CCSER1: variants seen among roughly 807,000 people sequenced by gnomAD.
CCSER1 encodes serine-rich coiled-coil domain-containing protein 1.
Under a neutral mutation model 82.0 loss-of-function variants are expected in CCSER1, and 41 were observed. The ratio of observed to expected loss-of-function variants is 0.50; its 90% CI spans 0.39 to 0.65. CCSER1 has a LOEUF of 0.65. CCSER1 is among the 30% of genes least tolerant of loss of function. The probability of loss-of-function intolerance (pLI) is 0.00; values close to 1 mark genes in which losing one functional copy is unlikely to be tolerated. For missense variants in CCSER1, 1,119 were observed against 1,064.2 expected, an observed-to-expected ratio of 1.05 and a Z score of -0.72; for synonymous variants, 414 against 383.9, an observed-to-expected ratio of 1.08 and a Z score of -0.92.
chr4:90,948,450 TC>T (rs1221232407), intron 9 of CCSER1, among the ~76,000 whole-genome samples: 1 of 151,876 alleles, frequency 6.6e-6, no homozygotes, highest in African/African-American at 2.4e-5. Context: ...TCAATTTTTT[TC>T]GTTTATTCTT....
At chr4:90,648,301 G>GA (rs1284284391) in intron 6 of CCSER1, among the ~76,000 whole-genome samples, 2 of 67,718 alleles carry the variant, frequency 3.0e-5, no homozygotes, top group Admixed American at 2.9e-4. Flanking sequence ...AAGAAAGAAA[G>GA]AAAGAAAGAA....
At chr4:90,428,541 A>C (rs942680056) in intron 4 of CCSER1, among the ~76,000 whole-genome samples, 2 of 151,868 alleles carry the variant, frequency 1.3e-5, no homozygotes, top group African/African-American at 4.8e-5. Context: ...GATAGAGAAA[A>C]TAAAATGTTA....
In CCSER1 at chr4:91,013,854, C is replaced by T. The variant is rs1449601156; in HGVS notation, c.2173-72096C>T. 1.5e-5 allele frequency among the ~76,000 whole-genome samples: 2 copies of T among 129,166 alleles called. 1 individual carries two copies. Among genetic ancestry groups the T allele is most frequent in the Non-Finnish European group, 3.6e-5 (2 of 55,936 alleles). The allele number at this position is 129,166 out of a possible 152,430, so 84.7% of individuals were successfully genotyped here. ...GCCAGGATGGTCTGAATCTCCTGAC[C>T]TCGTGATCCGCCTCTCTTAGCCTCC... is the stretch of plus-strand genomic sequence containing the variant. On this transcript the variant is annotated intron_variant, in intron 9 of 10. Coordinates refer to ENST00000509176, the MANE Select transcript of CCSER1 (RefSeq NM_001145065.2).
intron 1 of CCSER1, among the ~76,000 whole-genome samples, chr4:90,273,983 CT>C (rs1218872511): frequency 6.6e-6 from 1 of 152,054 alleles, no homozygotes; most frequent in Non-Finnish European, 1.5e-5. Flanking sequence ...AATTTAAAAA[CT>C]TTTTAAAAAT....
At chr4:91,503,911 G>T (rs969067716) in intron 10 of CCSER1, among the ~76,000 whole-genome samples, 6 of 152,102 alleles carry the variant, frequency 3.9e-5, no homozygotes, top group Admixed American at 1.3e-4. Context: ...GTCATTGGCG[G>T]GGTATAATGG....
chr4:90,591,928 A>G (rs1273098869), intron 5 of CCSER1, among the ~76,000 whole-genome samples: 1 of 152,106 alleles, frequency 6.6e-6, no homozygotes, highest in Non-Finnish European at 1.5e-5. Context: ...GCACATTAAC[A>G]CAGGAAGAGG....
At chr4:90,241,256 G>A (rs1746780800) in intron 1 of CCSER1, among the ~76,000 whole-genome samples, 1 of 152,156 alleles carries the variant, frequency 6.6e-6, no homozygotes. Context: ...TGCTTTATAG[G>A]TGCTATCATT....
Position 91,367,452 on chromosome 4 carries a change from A to G in CCSER1, c.2218-231120A>G, listed in dbSNP as rs182434364. ...TTTCTTTCTTTTTTTTTTTTTTAAC[A>G]CACAGATGTTCTGACCATGGAACTG... On this transcript the variant is annotated intron_variant, in intron 10 of 10. Transcript: ENST00000509176. Among the ~76,000 whole-genome samples the G allele has an allele frequency of 4.3e-3, 622 of 145,476 alleles. 8 individuals are homozygous for G. The highest frequency in any genetic ancestry group is 0.015 in the African/African-American group (584 of 39,288).
intron 10 of CCSER1, among the ~76,000 whole-genome samples, chr4:91,264,813 T>C (rs1342942158): frequency 6.6e-6 from 1 of 152,008 alleles, no homozygotes; most frequent in Non-Finnish European, 1.5e-5. Context: ...CTCATGATTG[T>C]GGTTTGTGAA....
intron 9 of CCSER1, among the ~76,000 whole-genome samples, chr4:90,956,427 G>A (rs1733441167): frequency 6.6e-6 from 1 of 152,200 alleles, no homozygotes; most frequent in East Asian, 1.9e-4. Flanking sequence ...TATGTGGGTG[G>A]CATAGGTAGG....
At chr4:90,702,325 C>T (rs1399689033) in intron 6 of CCSER1, among the ~76,000 whole-genome samples, 3 of 152,152 alleles carry the variant, frequency 2.0e-5, no homozygotes, top group Admixed American at 2.0e-4. Flanking sequence ...ATGAAGCCCA[C>T]TTGATCATGG....
chr4:90,406,000 T>G (rs111526913), intron 4 of CCSER1, among the ~76,000 whole-genome samples: 3 of 152,132 alleles, frequency 2.0e-5, no homozygotes, highest in African/African-American at 7.2e-5. Context: ...AATAGAATAG[T>G]ACCTCATGTC....
intron 10 of CCSER1, among the ~76,000 whole-genome samples, chr4:91,386,252 T>C (rs547384048): frequency 1.3e-5 from 2 of 151,582 alleles, no homozygotes; most frequent in South Asian, 2.1e-4. Context: ...ATTATAGGAG[T>C]TTATCAAAAG....
intron 1 of CCSER1, among the ~76,000 whole-genome samples, chr4:90,135,881 G>A (rs190408469): frequency 6.6e-6 from 1 of 152,330 alleles, no homozygotes; most frequent in Admixed American, 6.5e-5. Flanking sequence ...AACTTATGGT[G>A]TTTACTGAAC....
At chr4:90,876,336 A>G (rs1199954441) in intron 8 of CCSER1, among the ~76,000 whole-genome samples, 1 of 152,108 alleles carries the variant, frequency 6.6e-6, no homozygotes, top group Non-Finnish European at 1.5e-5. Context: ...CCTAAATATT[A>G]TTTTTGAAGC....
chr4:91,079,253 G>C (rs1177755262), intron 9 of CCSER1, among the ~76,000 whole-genome samples: 1 of 151,728 alleles, frequency 6.6e-6, no homozygotes, highest in Non-Finnish European at 1.5e-5. Context: ...CACCAGAAGA[G>C]AGTGGGGGTC....
intron 5 of CCSER1, among the ~76,000 whole-genome samples, chr4:90,480,956 A>T: frequency 6.6e-6 from 1 of 152,090 alleles, no homozygotes; most frequent in Non-Finnish European, 1.5e-5. Context: ...TGAATCTATA[A>T]ATTAGTTTGG....
Position 91,215,326 on chromosome 4 carries a change from G to T in CCSER1, c.2217+129332G>T, listed in dbSNP as rs568979343. Among the ~76,000 whole-genome samples the T allele has an allele frequency of 2.6e-5, 4 of 152,176 alleles. No homozygotes were observed. In the South Asian group the frequency reaches 8.3e-4, roughly 32 times the overall value. On this transcript the variant is annotated intron_variant, in intron 10 of 10. Coordinates refer to ENST00000509176, the MANE Select transcript of CCSER1 (RefSeq NM_001145065.2). ...ATAAAGTACATATGCCTTTAAAAAA[G>T]ATACTATACATATTTATTAATGTAT...
At chr4:91,026,506 A>G (rs1349721367) in intron 9 of CCSER1, among the ~76,000 whole-genome samples, 2 of 152,142 alleles carry the variant, frequency 1.3e-5, no homozygotes, top group African/African-American at 4.8e-5. Context: ...GTCTAGTAAT[A>G]TTCATGGTCT....
Sources: allele counts gnomAD v4.1 joint callset (sites outside exome capture counted in the v4.1 genomes callset), GRCh38; gene constraint gnomAD v4.1.1; transcripts MANE v1.5; gene names NCBI Gene and HGNC (gene_info 2026-07-23, HGNC 2026-07-21).